ZNF280D: variants seen among roughly 807,000 people sequenced by gnomAD.
The protein encoded by ZNF280D is zinc finger protein 280D, also known as suppressor of hairy wing homolog 4.
ZNF280D carries 39 observed loss-of-function variants against 94.7 expected under a neutral mutation model. That is an observed-to-expected ratio of 0.41 (90% CI 0.32 to 0.54). The LOEUF (loss-of-function observed/expected upper bound fraction) is 0.54. Ranked by LOEUF, ZNF280D falls within the 20% of genes least tolerant of loss-of-function variation. The pLI, the probability that ZNF280D is intolerant of heterozygous loss-of-function variation, is 0.22. For synonymous variants in ZNF280D, 398 were observed against 377.6 expected (o/e 1.05, Z -0.63); for missense variants, 1,090 against 1,149.3 (o/e 0.95, Z 0.75).
chr15:56,655,066 G>C (rs1326677566), intron 17 of ZNF280D, among the ~76,000 whole-genome samples: 1 of 152,158 alleles, frequency 6.6e-6, no homozygotes, highest in East Asian at 1.9e-4. Flanking sequence ...ACCATCGATT[G>C]TACATTATGT....
rs576603964 is a variant in ZNF280D at position 56,635,240 on chromosome 15, C to T, written c.2270G>A (p.Arg757Lys). ...EQEPVSKEIARPNMAERETET... is the reference protein window; with the variant it reads ...EQEPVSKEIAKPNMAERETET... ...TGTTTCTCTTTCAGCCATGTTAGGTCTTGCAATTTCCTGAAATAATTAATA... is the reference window on the plus strand; with the variant it reads ...TGTTTCTCTTTCAGCCATGTTAGGTTTTGCAATTTCCTGAAATAATTAATA... The change falls in exon 21 of 22, where the codon AGA becomes AAA. Residue 757 changes from arginine to lysine, a missense_variant. Physicochemically the swap from Arg to Lys is conservative, Grantham distance 26. Transcript: ENST00000267807. 1 of 1,528,556 alleles carries T rather than the reference C, an allele frequency of 6.5e-7. No homozygotes were observed. Among genetic ancestry groups the T allele is most frequent in the Non-Finnish European group, 8.8e-7 (1 of 1,140,096 alleles). The allele number at this position is 1,528,556 out of a possible 1,614,324, so 94.7% of individuals were successfully genotyped here.
At chr15:56,715,639 T>A (rs1431795876) in intron 1 of ZNF280D, among the ~76,000 whole-genome samples, 3 of 152,058 alleles carry the variant, frequency 2.0e-5, no homozygotes, top group Non-Finnish European at 4.4e-5. Flanking sequence ...AAGGAATATG[T>A]TAATTAAATA....
chr15:56,682,421 T>C lies in ZNF280D; in HGVS notation c.837A>G (p.Ser279=). Residue 279 remains serine (S), a synonymous_variant, in exon 10 of 22, where the codon TCA becomes TCG. Transcript: ENST00000267807. ...TAGTTGTGTTTTTATTTACTGTACT[T>C]GAAAATTCTGTTTTAGCCAGTCCCA... ...NFLGLAKTEF[S]STVNKNTTID... 1 of 1,586,426 alleles carries C rather than the reference T, an allele frequency of 6.3e-7. No homozygotes were observed. Among genetic ancestry groups the C allele is most frequent in the Non-Finnish European group, 8.5e-7 (1 of 1,172,528 alleles).
At chr15:56,666,154 T>C (rs1428673329) in intron 16 of ZNF280D, among the ~76,000 whole-genome samples, 1 of 152,068 alleles carries the variant, frequency 6.6e-6, no homozygotes. Context: ...AGAAAAACTA[T>C]TACCCTAACA....
intron 1 of ZNF280D, among the ~76,000 whole-genome samples, chr15:56,720,269 T>C (rs1273605009): frequency 6.6e-6 from 1 of 152,100 alleles, no homozygotes; most frequent in Non-Finnish European, 1.5e-5. Flanking sequence ...CAGGAATAGG[T>C]TCCATCTCAA....
intron 1 of ZNF280D, among the ~76,000 whole-genome samples, chr15:56,711,508 T>C (rs990818987): frequency 1.3e-5 from 2 of 151,706 alleles, no homozygotes; most frequent in Non-Finnish European, 2.9e-5. Flanking sequence ...CTACTAAAAA[T>C]AAAAAAATTA....
intron 7 of ZNF280D, among the ~76,000 whole-genome samples, chr15:56,692,036 C>T (rs191093982): frequency 4.2e-4 from 64 of 152,184 alleles, no homozygotes; most frequent in African/African-American, 1.5e-3. Flanking sequence ...AAGTAGAACA[C>T]TTATACAGAA....
Position 56,701,075 on chromosome 15 carries a change from GTATTTTAAAGTAACACAA to G in ZNF280D, c.242-21_242-4del. On this transcript the variant is annotated splice_region_variant and splice_polypyrimidine_tract_variant and intron_variant, in intron 5 of 21. Transcript: ENST00000267807. Reference sequence around the variant, plus strand: ...AGGCTTGAATGCAGCAGTAATACCTGTATTTTAAAGTAACACAATATATGGAAATTATTTGTACATAAT... The same window carrying G: ...AGGCTTGAATGCAGCAGTAATACCTGTATATGGAAATTATTTGTACATAAT... The G allele has an allele frequency of 6.2e-7, 1 of 1,613,170 alleles. No individual in the cohort carries two copies. The highest frequency in any genetic ancestry group is 8.5e-7 in the Non-Finnish European group (1 of 1,179,486).
chr15:56,715,973 T>C (rs910508071), intron 1 of ZNF280D, among the ~76,000 whole-genome samples: 12 of 152,192 alleles, frequency 7.9e-5, no homozygotes, highest in Non-Finnish European at 1.5e-4. Context: ...TACTTTGTAT[T>C]AGGTATCATA....
At chr15:56,669,925 T>TATAATA (rs34674390) in intron 13 of ZNF280D, among the ~76,000 whole-genome samples, 1 of 3,284 alleles carries the variant, frequency 3.0e-4, no homozygotes, top group Non-Finnish European at 6.8e-4. Flanking sequence ...TATATATATA[T>TATAATA]TATATATATA....
At chr15:56,725,382 A>C (rs142240847) in intron 1 of ZNF280D, among the ~76,000 whole-genome samples, 74 of 152,332 alleles carry the variant, frequency 4.9e-4, no homozygotes, top group African/African-American at 1.7e-3. Flanking sequence ...TCATTTACTT[A>C]AAGATGATAA....
intron 9 of ZNF280D, among the ~76,000 whole-genome samples, chr15:56,686,684 T>C (rs142234504): frequency 6.6e-6 from 1 of 152,262 alleles, no homozygotes; most frequent in East Asian, 1.9e-4. Flanking sequence ...AGAAGTAATA[T>C]ACCTATTTTC....
chr15:56,691,222 C>G (rs528576766), intron 7 of ZNF280D, among the ~76,000 whole-genome samples: 52 of 152,214 alleles, frequency 3.4e-4, no homozygotes, highest in African/African-American at 1.2e-3. Flanking sequence ...GCAAACATTA[C>G]AGCAAAATAA....
intron 19 of ZNF280D, among the ~76,000 whole-genome samples, chr15:56,647,590 G>A (rs2052966391): frequency 6.6e-6 from 1 of 152,086 alleles, no homozygotes; most frequent in African/African-American, 2.4e-5. Flanking sequence ...GGAGTGCAGT[G>A]GTATGATCAC....
intron 1 of ZNF280D, among the ~76,000 whole-genome samples, chr15:56,709,416 G>A (rs1218956660): frequency 3.2e-4 from 48 of 151,788 alleles, no homozygotes; most frequent in Non-Finnish European, 1.8e-4. Context: ...TGGTGGGACT[G>A]TAAACTAGTT....
intron 7 of ZNF280D, among the ~76,000 whole-genome samples, chr15:56,692,729 C>T (rs192288342): frequency 1.0e-3 from 153 of 152,072 alleles, no homozygotes; most frequent in Admixed American, 1.9e-3. Flanking sequence ...CAACTATAGC[C>T]ATATATTTTT....
chr15:56,689,678 A>T (rs538735516), intron 7 of ZNF280D, among the ~76,000 whole-genome samples: 4 of 152,168 alleles, frequency 2.6e-5, no homozygotes, highest in South Asian at 2.1e-4. Flanking sequence ...TTAAATAATT[A>T]AAAAAATAAT....
At chr15:56,660,843 A>G (rs1398290577) in intron 16 of ZNF280D, among the ~76,000 whole-genome samples, 1 of 152,104 alleles carries the variant, frequency 6.6e-6, no homozygotes, top group Non-Finnish European at 1.5e-5. Flanking sequence ...TTGATTCCAC[A>G]TAAGTAACAA....
intron 4 of ZNF280D, among the ~76,000 whole-genome samples, 196 bp downstream of exon 4, chr15:56,703,925 G>C (rs780257514): frequency 2.4e-4 from 36 of 151,982 alleles, no homozygotes; most frequent in Non-Finnish European, 4.9e-4. Flanking sequence ...AAGACCTCCA[G>C]GGTCACCAGC....
Sources: allele counts gnomAD v4.1 joint callset (sites outside exome capture counted in the v4.1 genomes callset), GRCh38; gene constraint gnomAD v4.1.1; transcripts MANE v1.5; gene names NCBI Gene and HGNC (gene_info 2026-07-23, HGNC 2026-07-21).